RIT2: variants seen among roughly 807,000 people sequenced by gnomAD.
The protein encoded by RIT2 is GTP-binding protein Rit2.
RIT2 carries 24 observed loss-of-function variants against 23.7 expected under a neutral mutation model. That is an observed-to-expected ratio of 1.01 (90% CI 0.73 to 1.43). The LOEUF is 1.43. Among genes scored for constraint, RIT2 ranks in the 40% most tolerant of loss-of-function variants. RIT2 has a pLI of 0.00. For synonymous variants in RIT2, 107 were observed against 91.1 expected (o/e 1.17, Z -0.99); for missense variants, 236 against 266.9 (o/e 0.88, Z 0.81).
At chr18:43,106,436 C>T (rs1341162441) in intron 1 of RIT2, among the ~76,000 whole-genome samples, 1 of 152,186 alleles carries the variant, frequency 6.6e-6, no homozygotes, top group Non-Finnish European at 1.5e-5. Context: ...AAGAACTTCC[C>T]TCATCCACCA....
chr18:42,977,672 G>A (rs1412300373), intron 2 of RIT2, among the ~76,000 whole-genome samples: 5 of 151,634 alleles, frequency 3.3e-5, no homozygotes, highest in Admixed American at 1.3e-4. Context: ...TAAAATAATG[G>A]TGGGAGACAT....
intron 4 of RIT2, among the ~76,000 whole-genome samples, chr18:42,811,623 TAAAA>T (rs1208704838): frequency 6.6e-6 from 1 of 152,022 alleles, no homozygotes; most frequent in Non-Finnish European, 1.5e-5. Context: ...ATCTAATAAC[TAAAA>T]ATAAATATCA....
intron 4 of RIT2, among the ~76,000 whole-genome samples, chr18:42,778,891 A>C (rs1913741294): frequency 1.3e-5 from 2 of 152,194 alleles, no homozygotes; most frequent in African/African-American, 4.8e-5. Context: ...TGTCAGTTGC[A>C]GCTCTGAAAA....
At chr18:42,957,795 T>G (rs1221415276) in intron 3 of RIT2, among the ~76,000 whole-genome samples, 3 of 152,048 alleles carry the variant, frequency 2.0e-5, no homozygotes, top group East Asian at 3.9e-4. Flanking sequence ...AAAAATTAAT[T>G]AACTAATTAA....
At chr18:42,997,829 A>G (rs1911021045) in intron 2 of RIT2, among the ~76,000 whole-genome samples, 1 of 152,186 alleles carries the variant, frequency 6.6e-6, no homozygotes, top group Non-Finnish European at 1.5e-5. Context: ...TGCAAGAGAC[A>G]TTCAAATAAT....
chr18:42,849,603 C>A (rs543844433), intron 4 of RIT2, among the ~76,000 whole-genome samples: 2 of 152,162 alleles, frequency 1.3e-5, no homozygotes, highest in East Asian at 1.9e-4. Context: ...TGTATTAGTA[C>A]AACTGAAGCA....
chr18:42,816,436 C>T (rs933675109), intron 4 of RIT2, among the ~76,000 whole-genome samples: 4 of 151,982 alleles, frequency 2.6e-5, no homozygotes, highest in African/African-American at 4.8e-5. Context: ...TATTGAAGTG[C>T]GCATAGATAA....
chr18:42,957,273 T>A (rs905299294), intron 3 of RIT2, among the ~76,000 whole-genome samples: 2 of 152,162 alleles, frequency 1.3e-5, no homozygotes, highest in African/African-American at 4.8e-5. Flanking sequence ...TTGATACGAT[T>A]AAAGTAGAAC....
intron 2 of RIT2, among the ~76,000 whole-genome samples, chr18:43,029,837 A>G (rs1454145302): frequency 6.6e-6 from 1 of 151,920 alleles, no homozygotes; most frequent in Non-Finnish European, 1.5e-5. Flanking sequence ...TTTCATGAAA[A>G]TTTTCTTTTG....
At chr18:43,036,995 T>C (rs1459632020) in intron 1 of RIT2, among the ~76,000 whole-genome samples, 2 of 152,208 alleles carry the variant, frequency 1.3e-5, no homozygotes, top group Admixed American at 6.5e-5. Context: ...CCTTAGAAAA[T>C]TGGCATTCTA....
intron 1 of RIT2, among the ~76,000 whole-genome samples, chr18:43,089,430 C>T (rs1298362109): frequency 2.0e-5 from 3 of 151,806 alleles, no homozygotes; most frequent in African/African-American, 7.3e-5. Context: ...TCAGAGATGA[C>T]ATAAACAAGT....
chr18:42,752,825 T>C (rs1413564800), intron 4 of RIT2, among the ~76,000 whole-genome samples: 1 of 152,158 alleles, frequency 6.6e-6, no homozygotes, highest in Non-Finnish European at 1.5e-5. Flanking sequence ...CAGATATCAT[T>C]ATACCACAGT....
intron 2 of RIT2, among the ~76,000 whole-genome samples, chr18:43,008,780 G>T (rs1469277072): frequency 3.3e-5 from 5 of 151,418 alleles, no homozygotes; most frequent in Non-Finnish European, 5.9e-5. Context: ...TTTTTAAAAA[G>T]GTTGTAATAG....
At chr18:43,087,209 T>A (rs1176132807) in intron 1 of RIT2, among the ~76,000 whole-genome samples, 4 of 151,874 alleles carry the variant, frequency 2.6e-5, no homozygotes, top group African/African-American at 9.7e-5. Context: ...ACCACTGCAG[T>A]CTAGCCTGGG....
At chr18:42,764,188 T>C (rs1201365532) in intron 4 of RIT2, among the ~76,000 whole-genome samples, 1 of 152,218 alleles carries the variant, frequency 6.6e-6, no homozygotes, top group East Asian at 1.9e-4. Context: ...GCTAAGTTAG[T>C]GTTCTGCAAA....
intron 2 of RIT2, among the ~76,000 whole-genome samples, chr18:43,007,321 A>G (rs2144249753): frequency 6.6e-6 from 1 of 151,844 alleles, no homozygotes; most frequent in South Asian, 2.1e-4. Flanking sequence ...TTAAAATGTG[A>G]AAAGAATGGG....
intron 4 of RIT2, among the ~76,000 whole-genome samples, chr18:42,767,990 G>A (rs770861964): frequency 6.6e-6 from 1 of 151,898 alleles, no homozygotes; most frequent in East Asian, 1.9e-4. Flanking sequence ...CCAGTTTCAA[G>A]TATGTCTTTA....
intron 3 of RIT2, among the ~76,000 whole-genome samples, chr18:42,929,621 A>T (rs1485632241): frequency 6.6e-6 from 1 of 152,196 alleles, no homozygotes; most frequent in Non-Finnish European, 1.5e-5. Flanking sequence ...GAATAGCTGC[A>T]TAATTTGTAG....
At chr18:43,046,829 G>A (rs1402337106) in intron 1 of RIT2, among the ~76,000 whole-genome samples, 1 of 152,046 alleles carries the variant, frequency 6.6e-6, no homozygotes, top group African/African-American at 2.4e-5. Context: ...TGTCTTTTAA[G>A]CTATGCATCC....
Sources: gnomAD v4.1 joint callset for allele counts (sites outside exome capture counted in the v4.1 genomes callset) on GRCh38, gnomAD v4.1.1 for gene constraint, MANE v1.5 for transcripts, NCBI Gene and HGNC (gene_info 2026-07-23, HGNC 2026-07-21) for gene names.